Variants in UTP4 observed in about 807,000 individuals in gnomAD.
UTP4 encodes the protein U3 small nucleolar RNA-associated protein 4 homolog.
UTP4 carries 45 observed loss-of-function variants against 82.4 expected under a neutral mutation model. That is an observed-to-expected ratio of 0.55 (90% CI 0.43 to 0.70). The LOEUF (loss-of-function observed/expected upper bound fraction) is 0.70. Among genes scored for constraint, UTP4 ranks in the 30% least tolerant of loss-of-function variants. The pLI is 0.00. For missense variants in UTP4, 819 were observed against 858.3 expected, an observed-to-expected ratio of 0.95 and a Z score of 0.57; for synonymous variants, 348 against 300.3, an observed-to-expected ratio of 1.16 and a Z score of -1.64.
At chr16:69,134,989 T>G (rs994406299) in intron 2 of UTP4, among the ~76,000 whole-genome samples, 12 of 151,764 alleles carry the variant, frequency 7.9e-5, no homozygotes, top group African/African-American at 2.9e-4. Context: ...ACCAGACTGA[T>G]TATCTTTTTC....
intron 12 of UTP4, among the ~76,000 whole-genome samples, chr16:69,159,295 G>A (rs1437707844): frequency 6.6e-6 from 1 of 151,804 alleles, no homozygotes; most frequent in Non-Finnish European, 1.5e-5. Context: ...TGGCCAGGCT[G>A]GTCTTGAACT....
chr16:69,139,257 G>A (rs2036982185), intron 4 of UTP4: 1 of 152,024 alleles, frequency 6.6e-6, no homozygotes, highest in Admixed American at 6.6e-5. Flanking sequence ...ATGAGCAACT[G>A]CACCCGGCCT....
At chr16:69,156,065 A>G (rs887053361) in intron 11 of UTP4, 72 bp downstream of exon 11, 12 of 1,467,996 alleles carry the variant, frequency 8.2e-6, no homozygotes, top group South Asian at 1.1e-5. Flanking sequence ...GTGAAGTGGA[A>G]ATCAACTGGA....
chr16:69,151,438 C>T (rs2152280502), intron 8 of UTP4, among the ~76,000 whole-genome samples: 1 of 151,926 alleles, frequency 6.6e-6, no homozygotes, highest in East Asian at 1.9e-4. Flanking sequence ...TCTCCTGCCT[C>T]AGCCTTCCGA....
At chr16:69,132,749 GCCGGCCCAGGGTCGGCGT>G (rs976842793) in intron 1 of UTP4, 60 bp downstream of exon 1, 4 of 241,708 alleles carry the variant, frequency 1.7e-5, no homozygotes, top group African/African-American at 9.6e-5. Context: ...TTACAAGGTG[GCCGGCCCAGGGTCGGCGT>G]CCGGCTGAGC....
At chr16:69,135,692 G>A (rs1962792765) in intron 2 of UTP4, among the ~76,000 whole-genome samples, 1 of 152,094 alleles carries the variant, frequency 6.6e-6, no homozygotes, top group Non-Finnish European at 1.5e-5. Context: ...CTCCAGTCTG[G>A]GTGACAAAAT....
At position 69,137,031 on chromosome 16, in the gene UTP4, T is replaced by A. The variant is rs932191436; in HGVS notation, c.351+144T>A. On this transcript the variant is annotated intron_variant, in intron 3 of 16. Coordinates refer to ENST00000314423, the MANE Select transcript of UTP4 (RefSeq NM_032830.3). Reference sequence around the variant, plus strand: ...AGATTGGAATTGATAGTGAAGATTTTAAAAATCCCCAGCATTCTTTTTGCT... The same window carrying A: ...AGATTGGAATTGATAGTGAAGATTTAAAAAATCCCCAGCATTCTTTTTGCT... 5.9e-5 allele frequency: 45 copies of A among 766,364 alleles called. 1 individual carries two copies. Among genetic ancestry groups the A allele is most frequent in the South Asian group, 4.8e-4 (34 of 70,260 alleles). 47.5% of individuals were successfully genotyped at this position (766,364 alleles called of 1,614,324 possible).
Position 69,136,689 on chromosome 16 carries a change from T to G in UTP4, c.160-7T>G, listed in dbSNP as rs1311649591. The G allele has an allele frequency of 6.2e-7, 1 of 1,613,858 alleles. No individual in the cohort carries two copies. Among genetic ancestry groups the G allele is most frequent in the East Asian group, 2.2e-5 (1 of 44,902 alleles). On this transcript the variant is annotated splice_region_variant and splice_polypyrimidine_tract_variant and intron_variant, in intron 2 of 16. Coordinates refer to ENST00000314423, the MANE Select transcript of UTP4 (RefSeq NM_032830.3). ...GGTAATGTTGAGAAGTTATGGTGTT[T>G]CTGCAGTTTTTCCCAGGTCATGAGT... is the stretch of plus-strand genomic sequence containing the variant.
At chr16:69,153,238 T>G (rs1456697480) in intron 8 of UTP4, among the ~76,000 whole-genome samples, 1 of 152,208 alleles carries the variant, frequency 6.6e-6, no homozygotes, top group Non-Finnish European at 1.5e-5. Context: ...TCATCTGGGC[T>G]TCTGTATTTA....
intron 16 of UTP4, among the ~76,000 whole-genome samples, chr16:69,168,433 CAAAAAAAAA>C (rs34234554): frequency 5.8e-5 from 3 of 51,610 alleles, no homozygotes; most frequent in Admixed American, 4.2e-4. Flanking sequence ...GAGACTGTCT[CAAAAAAAAA>C]AAAAAAAAAA....
chr16:69,159,871 C>T (rs545943253), intron 12 of UTP4, among the ~76,000 whole-genome samples: 1 of 151,760 alleles, frequency 6.6e-6, no homozygotes, highest in East Asian at 1.9e-4. Flanking sequence ...GCCTGTAATC[C>T]CAGCTAGTCA....
At chr16:69,150,395 G>C in intron 6 of UTP4, 142 bp from the exon 7 acceptor site, 1 of 942,124 alleles carries the variant, frequency 1.1e-6, no homozygotes, top group South Asian at 1.3e-5. Context: ...TTAGCTTCTG[G>C]AAGGAAAAGA....
At chr16:69,135,282 CCTT>C (rs1409422919) in intron 2 of UTP4, among the ~76,000 whole-genome samples, 1 of 152,076 alleles carries the variant, frequency 6.6e-6, no homozygotes, top group African/African-American at 2.4e-5. Context: ...TTTCTTTTCT[CCTT>C]CATCTGTTTT....
intron 5 of UTP4, among the ~76,000 whole-genome samples, chr16:69,141,340 A>C (rs1777130130): frequency 6.6e-6 from 1 of 152,350 alleles, no homozygotes; most frequent in African/African-American, 2.4e-5. Context: ...ATCCTGAGTA[A>C]GAGTGCATGA....
intron 10 of UTP4, among the ~76,000 whole-genome samples, chr16:69,155,446 T>C (rs1022924554): frequency 6.6e-6 from 1 of 152,200 alleles, no homozygotes; most frequent in Non-Finnish European, 1.5e-5. Context: ...ATTACAGGCA[T>C]GACCCACTGT....
chr16:69,134,654 G>A lies in UTP4; in HGVS notation c.159+1036G>A, dbSNP rs182843953. ...ACATTCTGTGGTATGAAGAACATGC[G>A]CTGGCGTGTGCTTATTGCATCCTGT... On this transcript the variant is annotated intron_variant, in intron 2 of 16. Transcript: ENST00000314423. Among the ~76,000 whole-genome samples, 693 of 150,944 alleles carry A rather than the reference G, an allele frequency of 4.6e-3. 4 individuals are homozygous for A. Among genetic ancestry groups the A allele is most frequent in the African/African-American group, 0.016 (642 of 41,118 alleles).
intron 6 of UTP4, among the ~76,000 whole-genome samples, chr16:69,145,724 T>A (rs1348359994): frequency 6.6e-6 from 1 of 152,064 alleles, no homozygotes; most frequent in African/African-American, 2.4e-5. Flanking sequence ...CCACCTTATG[T>A]GCTGTCCTTG....
chr16:69,152,839 G>T (rs1963310770), intron 8 of UTP4, among the ~76,000 whole-genome samples: 1 of 151,912 alleles, frequency 6.6e-6, no homozygotes, highest in Non-Finnish European at 1.5e-5. Context: ...GCCCAGGCCA[G>T]TCTCAAACTC....
intron 1 of UTP4, 26 bp downstream of exon 1, chr16:69,132,715 G>A (rs964066149): frequency 1.1e-5 from 3 of 279,604 alleles, no homozygotes; most frequent in South Asian, 2.6e-5. Flanking sequence ...GGCGTGGGAA[G>A]CGGCTGCGAG....
Sources: gnomAD v4.1 joint callset for allele counts (sites outside exome capture counted in the v4.1 genomes callset) on GRCh38, gnomAD v4.1.1 for gene constraint, MANE v1.5 for transcripts, NCBI Gene and HGNC (gene_info 2026-07-23, HGNC 2026-07-21) for gene names.